Variants in PADI3 observed in about 807,000 individuals in gnomAD.
The protein encoded by PADI3 is protein-arginine deiminase type-3.
A neutral mutation model predicts 71.5 loss-of-function variants in PADI3; 53 were observed. That is an observed-to-expected ratio of 0.74 (90% confidence interval 0.59 to 0.93). The LOEUF is 0.93. Among genes scored for constraint, PADI3 ranks in the 40% least tolerant of loss-of-function variants. The pLI is 0.00. For synonymous variants in PADI3, 361 were observed against 347.5 expected (o/e 1.04, Z -0.43); for missense variants, 821 against 868.0 (o/e 0.95, Z 0.68).
intron 1 of PADI3, among the ~76,000 whole-genome samples, chr1:17,253,527 C>T (rs2072991419): frequency 6.6e-6 from 1 of 152,192 alleles, no homozygotes; most frequent in Non-Finnish European, 1.5e-5. Flanking sequence ...GGCAATGAGC[C>T]ATGAAGCTCC....
At chr1:17,278,981 A>G (rs914830380) in intron 13 of PADI3, among the ~76,000 whole-genome samples, 1 of 152,196 alleles carries the variant, frequency 6.6e-6, no homozygotes, top group Admixed American at 6.5e-5. Flanking sequence ...ACGCACCCTA[A>G]CTAGACTCCG....
chr1:17,271,089 G>C lies in PADI3; in HGVS notation c.958G>C (p.Val320Leu), dbSNP rs2073243219. The C allele has an allele frequency of 6.2e-7, 1 of 1,614,060 alleles. No homozygotes were observed. Among genetic ancestry groups the C allele is most frequent in the Non-Finnish European group, 8.5e-7 (1 of 1,180,012 alleles). Residue 320 changes from valine to leucine, a missense_variant, in exon 9 of 16, where the codon GTG becomes CTG. By Grantham distance (32) the Val-to-Leu change is conservative. Coordinates refer to ENST00000375460, the MANE Select transcript of PADI3 (RefSeq NM_016233.2). ...VCRVRNNTCF[V>L]DAVAELARKA... ...TAGTGTGAGGAACAACACGTGTTTT[G>C]TGGATGCGGTGGCAGAGCTGGCCAG...
chr1:17,267,851 T>G lies in PADI3; in HGVS notation c.541T>G (p.Ser181Ala). Residue 181 changes from serine to alanine, a missense_variant, in exon 6 of 16, where the codon TCT (serine) becomes GCT (alanine). Coordinates refer to ENST00000375460, the MANE Select transcript of PADI3 (RefSeq NM_016233.2). ...VHCLQDLEDM[S>A]VMVLRTQGPA... ...TGGCTTCACAGACCTGGAAGACATG[T>G]CTGTCATGGTCCTGCGGACGCAGGG... is the stretch of plus-strand genomic sequence containing the variant. The G allele has an allele frequency of 6.2e-7, 1 of 1,613,930 alleles. No individual in the cohort carries two copies. Among genetic ancestry groups the G allele is most frequent in the Non-Finnish European group, 8.5e-7 (1 of 1,180,040 alleles).
intron 1 of PADI3, among the ~76,000 whole-genome samples, chr1:17,259,001 G>A (rs538622114): frequency 2.0e-5 from 3 of 152,240 alleles, no homozygotes; most frequent in Non-Finnish European, 4.4e-5. Context: ...CCATTCTGGT[G>A]AGTGGTAAAG....
Position 17,265,658 on chromosome 1 carries a change from G to C in PADI3, c.347-1G>C. The C allele has an allele frequency of 2.5e-6, 4 of 1,614,108 alleles. No individual in the cohort carries two copies. Among genetic ancestry groups the C allele is most frequent in the Non-Finnish European group, 3.4e-6 (4 of 1,179,966 alleles). On this transcript the variant is annotated splice_acceptor_variant, in intron 3 of 15. Coordinates refer to ENST00000375460, the MANE Select transcript of PADI3 (RefSeq NM_016233.2). LOFTEE classifies it high-confidence loss of function. ...GACTTACCCTCTGCCTCCTCTTGCAGACATCTCTCTGGATTGCGACCTGAA... is the reference window on the plus strand; with the variant it reads ...GACTTACCCTCTGCCTCCTCTTGCACACATCTCTCTGGATTGCGACCTGAA...
At chr1:17,271,560 C>T (rs1275494326) in intron 9 of PADI3, among the ~76,000 whole-genome samples, 1 of 152,094 alleles carries the variant, frequency 6.6e-6, no homozygotes, top group Non-Finnish European at 1.5e-5. Flanking sequence ...AACATATCAT[C>T]CAGTCCCACG....
rs567214645 is a variant in PADI3, at chr1:17,278,027, C to T, written c.1555+1151C>T. On this transcript the variant is annotated intron_variant, in intron 13 of 15. Coordinates refer to ENST00000375460, the MANE Select transcript of PADI3 (RefSeq NM_016233.2). The stretch of plus-strand genomic sequence containing the variant: ...AAGCACAGCCCCCTGGGAGCTAGGC[C>T]TCCGCTGTGAGGCCCACAGGGTGGG... The T allele has an allele frequency of 4.6e-5, 7 of 153,724 alleles. No homozygotes were observed. In the South Asian group the frequency reaches 8.2e-4, roughly 18 times the overall value. The allele number at this position is 153,724 out of a possible 1,614,324, so 9.5% of individuals were successfully genotyped here.
In PADI3 at chr1:17,276,978, G is replaced by T. The variant is rs543931362; in HGVS notation, c.1555+102G>T. On this transcript the variant is annotated intron_variant, in intron 13 of 15. Coordinates refer to ENST00000375460, the MANE Select transcript of PADI3 (RefSeq NM_016233.2). The stretch of plus-strand genomic sequence containing the variant: ...GGGGAGGGCAAGTTTTAAAGCAGGG[G>T]TGTGTCCCCAAATTCAGGGCTTCTC... 3 of 932,584 alleles carry T rather than the reference G, an allele frequency of 3.2e-6. No individual in the cohort carries two copies. The Admixed American group carries it at 8.4e-5, about 26-fold the overall frequency. 57.8% of individuals were successfully genotyped at this position (932,584 alleles called of 1,614,324 possible).
chr1:17,273,242 C>T (rs1213400465), intron 9 of PADI3, 98 bp from the exon 10 acceptor site: 2 of 867,646 alleles, frequency 2.3e-6, no homozygotes, highest in Non-Finnish European at 3.6e-6. Flanking sequence ...GGCCAGGGGA[C>T]TTGGTGAGCA....
intron 9 of PADI3, among the ~76,000 whole-genome samples, chr1:17,271,854 A>AG (rs1477106387): frequency 9.1e-5 from 12 of 132,362 alleles, no homozygotes; most frequent in African/African-American, 3.2e-4. Context: ...AAAAAAAAAA[A>AG]AGAGAGAGAG....
At chr1:17,279,979 TGGTG>T (rs1218451940) in intron 13 of PADI3, among the ~76,000 whole-genome samples, 3 of 152,154 alleles carry the variant, frequency 2.0e-5, no homozygotes, top group Non-Finnish European at 2.9e-5. Flanking sequence ...ACCTGACTGA[TGGTG>T]GGTGGGTGGG....
In PADI3 at chr1:17,255,607, G is replaced by T. The variant is rs371459718; in HGVS notation, c.93-3971G>T. 2.0e-5 allele frequency among the ~76,000 whole-genome samples: 3 copies of T among 152,294 alleles called. 1 individual carries two copies. In the South Asian group the frequency reaches 6.2e-4, roughly 32 times the overall value. On this transcript the variant is annotated intron_variant, in intron 1 of 15. Transcript: ENST00000375460. ...CTAGATCCTCCCGTACCTGATGCAG[G>T]TTCTCCTCCCAGCAGCTGCCCCTCT...
At chr1:17,272,216 C>G (rs115277912) in intron 9 of PADI3, among the ~76,000 whole-genome samples, 1,919 of 152,274 alleles carry the variant, frequency 0.013, 31 homozygotes, top group African/African-American at 0.043. Flanking sequence ...CTGGCAGAGA[C>G]CGAGCATGCG....
intron 15 of PADI3, among the ~76,000 whole-genome samples, chr1:17,281,622 T>A (rs1328490420): frequency 2.0e-5 from 3 of 152,056 alleles, no homozygotes; most frequent in Non-Finnish European, 4.4e-5. Context: ...CCGGCTAATT[T>A]CTGTATTTTT....
At chr1:17,267,783 G>C in intron 5 of PADI3, 54 bp from the exon 6 acceptor site, 1 of 1,596,994 alleles carries the variant, frequency 6.3e-7, no homozygotes, top group Non-Finnish European at 8.5e-7. Flanking sequence ...AGCAGAGGAA[G>C]GGGCCAGGGG....
At chr1:17,277,383 G>A (rs548622168) in intron 13 of PADI3, among the ~76,000 whole-genome samples, 3 of 152,142 alleles carry the variant, frequency 2.0e-5, no homozygotes, top group Admixed American at 6.5e-5. Context: ...TAGTAGAGAC[G>A]GGGGTTTCTC....
In PADI3 at chr1:17,272,481, T is replaced by C. The variant is rs140210925; in HGVS notation, c.1048-859T>C. ...TGGGACAAATATTTTTTAATTTTTA[T>C]TTATTTTTTTAAATTAATATATTTT... On this transcript the variant is annotated intron_variant, in intron 9 of 15. Coordinates refer to ENST00000375460, the MANE Select transcript of PADI3 (RefSeq NM_016233.2). Among the ~76,000 whole-genome samples the C allele has an allele frequency of 2.6e-5, 4 of 152,308 alleles. No individual in the cohort carries two copies. In the East Asian group the frequency reaches 7.7e-4, roughly 29 times the overall value.
At position 17,267,688 on chromosome 1, in the gene PADI3, T is replaced by A. The variant is rs538571531; in HGVS notation, c.527-149T>A. ...AGAGCATAGATGTCTTCATGGTTTGTTCTTGATGGCTTCCAGGGTTTTCAC... is the reference window on the plus strand; with the variant it reads ...AGAGCATAGATGTCTTCATGGTTTGATCTTGATGGCTTCCAGGGTTTTCAC... On this transcript the variant is annotated intron_variant, in intron 5 of 15. Transcript: ENST00000375460. 7.4e-6 allele frequency: 6 copies of A among 811,354 alleles called. No individual in the cohort carries two copies. The South Asian group carries it at 8.8e-5, about 12-fold the overall frequency. The allele number at this position is 811,354 out of a possible 1,614,324, so 50.3% of individuals were successfully genotyped here.
chr1:17,281,703 T>G (rs935032819), intron 15 of PADI3, among the ~76,000 whole-genome samples: 1 of 152,204 alleles, frequency 6.6e-6, no homozygotes, highest in African/African-American at 2.4e-5. Context: ...TCCACCAGCC[T>G]CGGCCTCCCA....
Sources: allele counts gnomAD v4.1 joint callset (sites outside exome capture counted in the v4.1 genomes callset), GRCh38; gene constraint gnomAD v4.1.1; transcripts MANE v1.5; gene names NCBI Gene and HGNC (gene_info 2026-07-23, HGNC 2026-07-21).